The following SEPTIN6 variants were observed in gnomAD, a reference collection of about 807,000 sequenced individuals.
SEPTIN6 encodes the protein septin-6.
A neutral mutation model predicts 33.6 loss-of-function variants in SEPTIN6; 8 were observed. The observed-to-expected ratio is 0.24, with a 90% CI of 0.14 to 0.43. The LOEUF (loss-of-function observed/expected upper bound fraction) is 0.43, where lower values mean the gene tolerates loss of function less well. Among genes scored for constraint, SEPTIN6 ranks in the 20% least tolerant of loss-of-function variants. The pLI is 1.00. For synonymous variants in SEPTIN6, 131 were observed against 140.0 expected, an observed-to-expected ratio of 0.94 and a Z score of 0.45; for missense variants, 250 against 340.8, an observed-to-expected ratio of 0.73 and a Z score of 2.10.
intron 2 of SEPTIN6, among the ~76,000 whole-genome samples, chrX:119,673,958 C>G (rs1040848098): frequency 9.3e-6 from 1 of 108,068 alleles, no homozygotes; most frequent in Non-Finnish European, 1.9e-5. Flanking sequence ...ACTACATGAA[C>G]AAGTTCCCCA....
At chrX:119,662,336 A>G (rs1361590666) in intron 3 of SEPTIN6, among the ~76,000 whole-genome samples, 1 of 111,492 alleles carries the variant, frequency 9.0e-6, no homozygotes, top group African/African-American at 3.3e-5. Context: ...GACAGATCAA[A>G]CTTGACATGT....
rs2054581893 is a variant in SEPTIN6, at chrX:119,663,466, C to T, written c.341+16G>A. ...ACCAACCTCCCCACCCTACCCCACC[C>T]CACCGCCTTCTTTACCTGTCCTCTT... On this transcript the variant is annotated intron_variant, in intron 3 of 10. Coordinates refer to ENST00000394610, the MANE Select transcript of SEPTIN6 (RefSeq NM_145799.4). 2 of 1,098,224 alleles carry T rather than the reference C, an allele frequency of 1.8e-6. No homozygotes were observed. The highest frequency in any genetic ancestry group is 2.5e-6 in the Non-Finnish European group (2 of 803,764). 90.5% of individuals were successfully genotyped at this position (1,098,224 alleles called of 1,213,427 possible). A position where few individuals can be genotyped will look rare whatever the true frequency, so the allele number is the denominator to read the frequency against.
At chrX:119,688,410 T>C (rs1461223602) in intron 1 of SEPTIN6, among the ~76,000 whole-genome samples, 1 of 111,518 alleles carries the variant, frequency 9.0e-6, no homozygotes, top group Non-Finnish European at 1.9e-5. Flanking sequence ...GCCCGCTTTT[T>C]ATTTTGAAAA....
At chrX:119,682,771 A>G (rs2054984311) in intron 1 of SEPTIN6, among the ~76,000 whole-genome samples, 1 of 111,398 alleles carries the variant, frequency 9.0e-6, no homozygotes, top group Admixed American at 9.6e-5. Flanking sequence ...GATAGTAAGC[A>G]AGCCGTATTT....
chrX:119,639,821 T>C (rs919601558), intron 6 of SEPTIN6, among the ~76,000 whole-genome samples: 10 of 111,645 alleles, frequency 9.0e-5, no homozygotes, highest in African/African-American at 3.3e-4. Flanking sequence ...TTTCTTTCTT[T>C]TTTTTTGAAT....
chrX:119,658,099 T>C (rs1002769355), intron 3 of SEPTIN6, among the ~76,000 whole-genome samples: 20 of 112,024 alleles, frequency 1.8e-4, no homozygotes, highest in East Asian at 5.6e-4. Flanking sequence ...TGCACTCCCG[T>C]CTGGGCAACA....
At chrX:119,670,705 G>A (rs907609050) in intron 2 of SEPTIN6, among the ~76,000 whole-genome samples, 12 of 109,303 alleles carry the variant, frequency 1.1e-4, no homozygotes, top group Admixed American at 9.9e-5. Context: ...TTGGGAGGCC[G>A]AGGCAGGCAG....
intron 4 of SEPTIN6, among the ~76,000 whole-genome samples, chrX:119,650,535 G>A (rs775624689): frequency 3.0e-4 from 34 of 111,877 alleles, no homozygotes; most frequent in African/African-American, 8.8e-4. Flanking sequence ...TTGGTATCAA[G>A]GTTACTGCTT....
At chrX:119,669,352 T>C (rs1339469894) in intron 2 of SEPTIN6, among the ~76,000 whole-genome samples, 1 of 112,865 alleles carries the variant, frequency 8.9e-6, no homozygotes, top group African/African-American at 3.2e-5. Flanking sequence ...ATCCCTGTTC[T>C]TGTGGACCTA....
At chrX:119,623,148 A>T (rs2053797575) in intron 10 of SEPTIN6, among the ~76,000 whole-genome samples, 1 of 112,025 alleles carries the variant, frequency 8.9e-6, no homozygotes, top group African/African-American at 3.2e-5. Context: ...TCTCCATTTA[A>T]ATCATAAACT....
chrX:119,620,571 G>A (rs1234749595), intron 10 of SEPTIN6, among the ~76,000 whole-genome samples: 1 of 109,038 alleles, frequency 9.2e-6, no homozygotes, highest in Non-Finnish European at 1.9e-5. Flanking sequence ...TGCCCGCCTT[G>A]GCCTCCCAAA....
intron 8 of SEPTIN6, among the ~76,000 whole-genome samples, chrX:119,631,076 C>G (rs890995596): frequency 1.8e-5 from 2 of 110,712 alleles, no homozygotes; most frequent in Non-Finnish European, 3.8e-5. Context: ...TTGCAGCATA[C>G]GATGAAGAAG....
At chrX:119,685,307 G>A (rs978591112) in intron 1 of SEPTIN6, among the ~76,000 whole-genome samples, 1 of 110,554 alleles carries the variant, frequency 9.0e-6, no homozygotes, top group African/African-American at 3.3e-5. Flanking sequence ...TCCACTTACC[G>A]AGAGCCTGCT....
intron 3 of SEPTIN6, among the ~76,000 whole-genome samples, chrX:119,661,654 A>G (rs1460677645): frequency 9.0e-6 from 1 of 111,488 alleles, no homozygotes; most frequent in Non-Finnish European, 1.9e-5. Context: ...GGTTAAATGC[A>G]GATGGTACCT....
chrX:119,656,010 G>A (rs1379971915), intron 3 of SEPTIN6, among the ~76,000 whole-genome samples: 1 of 111,761 alleles, frequency 8.9e-6, no homozygotes, highest in African/African-American at 3.3e-5. Context: ...TCAAATTCTG[G>A]TAATTATTAA....
intron 5 of SEPTIN6, among the ~76,000 whole-genome samples, chrX:119,643,833 G>C (rs2054197454): frequency 9.0e-6 from 1 of 111,610 alleles, no homozygotes; most frequent in Non-Finnish European, 1.9e-5. Context: ...GCCACCTAGG[G>C]TGGTCCGCAC....
intron 8 of SEPTIN6, among the ~76,000 whole-genome samples, chrX:119,632,959 T>G (rs999595112): frequency 8.9e-6 from 1 of 112,768 alleles, no homozygotes; most frequent in African/African-American, 3.2e-5. Context: ...TGTGTTAGTT[T>G]GCTGAAGATA....
chrX:119,657,619 T>TC (rs964269943), intron 3 of SEPTIN6, among the ~76,000 whole-genome samples: 2 of 111,413 alleles, frequency 1.8e-5, no homozygotes, highest in African/African-American at 6.5e-5. Flanking sequence ...CTCAAGCGAT[T>TC]CTCCTGCCTC....
At chrX:119,667,060 G>A (rs1303603242) in intron 2 of SEPTIN6, among the ~76,000 whole-genome samples, 1 of 110,819 alleles carries the variant, frequency 9.0e-6, no homozygotes, top group Non-Finnish European at 1.9e-5. Flanking sequence ...CCCTCCCATG[G>A]AACAGAAGGG....
Sources: gnomAD v4.1 joint callset for allele counts (sites outside exome capture counted in the v4.1 genomes callset) on GRCh38, gnomAD v4.1.1 for gene constraint, MANE v1.5 for transcripts, NCBI Gene and HGNC (gene_info 2026-07-23, HGNC 2026-07-21) for gene names.